The following RALGPS1 variants were observed in gnomAD, a reference collection of about 807,000 sequenced individuals.
The protein encoded by RALGPS1 is Ral GEF with PH domain and SH3 binding motif 1.
In RALGPS1, 19 loss-of-function variants were observed where a neutral mutation model predicts 78.8. The observed-to-expected ratio is 0.24, with a 90% confidence interval of 0.17 to 0.35. The LOEUF is 0.35. RALGPS1 is among the 10% of genes least tolerant of loss of function. The pLI, the probability that RALGPS1 is intolerant of heterozygous loss-of-function variation, is 1.00. For synonymous variants in RALGPS1, 228 were observed against 256.3 expected, an observed-to-expected ratio of 0.89 and a Z score of 1.06; for missense variants, 454 against 688.3, an observed-to-expected ratio of 0.66 and a Z score of 3.81.
chr9:126,915,089 G>T, intron 1 of RALGPS1, 114 bp downstream of exon 1: 1 of 147,816 alleles, frequency 6.8e-6, no homozygotes, highest in South Asian at 1.9e-4. Context: ...GCAGGTGTGG[G>T]GGGCGGGACC....
At chr9:127,195,771 T>TTCCC (rs1468566072) in intron 12 of RALGPS1, among the ~76,000 whole-genome samples, 5 of 151,948 alleles carry the variant, frequency 3.3e-5, no homozygotes, top group East Asian at 1.9e-4. Context: ...CCTTCCTTCC[T>TTCCC]TCCCTCCCTT....
chr9:127,048,663 T>C (rs1368660413), intron 5 of RALGPS1, among the ~76,000 whole-genome samples: 2 of 152,250 alleles, frequency 1.3e-5, no homozygotes, highest in Non-Finnish European at 2.9e-5. Context: ...TGCAGGAATC[T>C]ACTAAATTGT....
intron 4 of RALGPS1, among the ~76,000 whole-genome samples, chr9:126,996,215 A>G (rs954452632): frequency 6.6e-6 from 1 of 152,200 alleles, no homozygotes; most frequent in African/African-American, 2.4e-5. Flanking sequence ...GACACAAAAA[A>G]CCCTTCAAAA....
At chr9:127,027,767 C>G (rs1229575378) in intron 4 of RALGPS1, among the ~76,000 whole-genome samples, 1 of 152,210 alleles carries the variant, frequency 6.6e-6, no homozygotes, top group Non-Finnish European at 1.5e-5. Context: ...GTTGTGAGTT[C>G]TGACTTTTCT....
At chr9:126,933,372 G>C (rs1390300830) in intron 1 of RALGPS1, among the ~76,000 whole-genome samples, 2 of 152,094 alleles carry the variant, frequency 1.3e-5, no homozygotes, top group Non-Finnish European at 2.9e-5. Flanking sequence ...CAGTCTTCGG[G>C]CAGGGGTTAC....
intron 8 of RALGPS1, among the ~76,000 whole-genome samples, chr9:127,103,607 C>T (rs948235915): frequency 2.0e-5 from 3 of 152,182 alleles, no homozygotes; most frequent in African/African-American, 7.2e-5. Flanking sequence ...GTACTTTCTA[C>T]TGGGGAGCTT....
At chr9:126,990,944 A>G (rs2042230295) in intron 4 of RALGPS1, among the ~76,000 whole-genome samples, 1 of 152,086 alleles carries the variant, frequency 6.6e-6, no homozygotes, top group Non-Finnish European at 1.5e-5. Context: ...AATCCTTTCC[A>G]CTTCTATGCT....
In RALGPS1 at chr9:126,935,077, C is replaced by T. The variant is rs2036137218; in HGVS notation, c.-66+20102C>T. 2.0e-5 allele frequency among the ~76,000 whole-genome samples: 3 copies of T among 152,228 alleles called. No homozygotes were observed. The South Asian group carries it at 6.2e-4, about 31-fold the overall frequency. On this transcript the variant is annotated intron_variant, in intron 1 of 18. Coordinates refer to ENST00000259351, the MANE Select transcript of RALGPS1 (RefSeq NM_014636.3). ...GAGATTCTGCCCACCTCATTTGGCACCTCTTCTAAGAATGCTTTTCTGCTC... is the reference window on the plus strand; with the variant it reads ...GAGATTCTGCCCACCTCATTTGGCATCTCTTCTAAGAATGCTTTTCTGCTC...
At chr9:127,043,029 A>G (rs2047451591) in intron 5 of RALGPS1, among the ~76,000 whole-genome samples, 1 of 152,240 alleles carries the variant, frequency 6.6e-6, no homozygotes, top group Non-Finnish European at 1.5e-5. Flanking sequence ...GTGGAGCTAA[A>G]TAAATAGAGA....
At chr9:127,119,709 G>T (rs139924549) in intron 8 of RALGPS1, among the ~76,000 whole-genome samples, 3 of 152,228 alleles carry the variant, frequency 2.0e-5, no homozygotes, top group African/African-American at 7.2e-5. Context: ...TGCTCTGCCC[G>T]TGAGCTTCAG....
At chr9:126,970,458 A>T (rs992511623) in intron 3 of RALGPS1, among the ~76,000 whole-genome samples, 1 of 152,212 alleles carries the variant, frequency 6.6e-6, no homozygotes, top group African/African-American at 2.4e-5. Flanking sequence ...ATAATGGGTG[A>T]GTAGAAGGGA....
intron 1 of RALGPS1, among the ~76,000 whole-genome samples, chr9:126,951,250 C>T (rs1336638398): frequency 1.4e-5 from 2 of 147,480 alleles, no homozygotes; most frequent in East Asian, 2.1e-4. Flanking sequence ...CAAGGAGGAA[C>T]TGGTACCATT....
intron 1 of RALGPS1, among the ~76,000 whole-genome samples, chr9:126,940,514 A>G (rs909456702): frequency 2.1e-5 from 3 of 144,798 alleles, no homozygotes; most frequent in African/African-American, 7.7e-5. Flanking sequence ...ATCTTGGCTC[A>G]CTGCAAGCTC....
At chr9:127,120,143 C>G (rs2055895013) in intron 8 of RALGPS1, among the ~76,000 whole-genome samples, 1 of 152,192 alleles carries the variant, frequency 6.6e-6, no homozygotes, top group African/African-American at 2.4e-5. Context: ...TCCTCTGCAA[C>G]TCCGGGGCAA....
At chr9:126,966,016 C>T in intron 3 of RALGPS1, 65 bp downstream of exon 3, 1 of 1,221,322 alleles carries the variant, frequency 8.2e-7, no homozygotes, top group Non-Finnish European at 1.2e-6. Context: ...GGAGCCACCA[C>T]TTAGGCTTTG....
intron 14 of RALGPS1, among the ~76,000 whole-genome samples, chr9:127,206,779 G>A (rs1225907925): frequency 6.6e-6 from 1 of 152,122 alleles, no homozygotes; most frequent in African/African-American, 2.4e-5. Context: ...GTAAGCCCCA[G>A]GATACCTACA....
intron 8 of RALGPS1, chr9:127,108,609 T>C (rs146592226): frequency 2.2e-5 from 36 of 1,613,338 alleles, no homozygotes; most frequent in Middle Eastern, 3.3e-4. Flanking sequence ...TGTACCTGTT[T>C]AGGTAAATGA....
In RALGPS1 at chr9:126,966,068, G is replaced by A. The variant is rs1048642426; in HGVS notation, c.165+117G>A. ...ATTCTATATGCCCAGCAAGAGGGGA[G>A]TGTTGAGTAAAGTCCGTACCACCCT... is the stretch of plus-strand genomic sequence containing the variant. On this transcript the variant is annotated intron_variant, in intron 3 of 18. Transcript: ENST00000259351. The A allele has an allele frequency of 2.4e-5, 17 of 721,922 alleles. No individual in the cohort carries two copies. In the East Asian group the frequency reaches 4.1e-4, roughly 17 times the overall value. 44.7% of individuals were successfully genotyped at this position (721,922 alleles called of 1,614,324 possible).
intron 8 of RALGPS1, among the ~76,000 whole-genome samples, chr9:127,142,819 GTGTA>G (rs962713240): frequency 2.0e-5 from 3 of 152,052 alleles, no homozygotes; most frequent in Admixed American, 2.0e-4. Context: ...ACATTTGTGT[GTGTA>G]TGTATGTATG....
Sources: gnomAD v4.1 joint callset for allele counts (sites outside exome capture counted in the v4.1 genomes callset) on GRCh38, gnomAD v4.1.1 for gene constraint, MANE v1.5 for transcripts, NCBI Gene and HGNC (gene_info 2026-07-23, HGNC 2026-07-21) for gene names.